Variants in ADAMTS12 observed in about 807,000 individuals in gnomAD.
The protein encoded by ADAMTS12 is A disintegrin and metalloproteinase with thrombospondin motifs 12.
ADAMTS12 carries 118 observed loss-of-function variants against 167.8 expected under a neutral mutation model. The observed-to-expected ratio is 0.70, with a 90% CI of 0.61 to 0.82. The LOEUF (loss-of-function observed/expected upper bound fraction) is 0.82, where lower values mean the gene tolerates loss of function less well. ADAMTS12 is among the 40% of genes least tolerant of loss of function. ADAMTS12 has a pLI of 0.00. For synonymous variants in ADAMTS12, 704 were observed against 716.9 expected (o/e 0.98, Z 0.29); for missense variants, 1,916 against 1,998.8 (o/e 0.96, Z 0.79).
intron 7 of ADAMTS12, among the ~76,000 whole-genome samples, chr5:33,653,002 A>G (rs1225671703): frequency 6.6e-6 from 1 of 152,098 alleles, no homozygotes; most frequent in African/African-American, 2.4e-5. Context: ...TCCCATATGT[A>G]TGCTTTTTAT....
intron 3 of ADAMTS12, among the ~76,000 whole-genome samples, chr5:33,706,177 A>G (rs1035422834): frequency 1.3e-5 from 2 of 152,090 alleles, no homozygotes; most frequent in Non-Finnish European, 2.9e-5. Flanking sequence ...GGCTTGGAAT[A>G]CTGTTCCCTT....
chr5:33,719,041 T>G (rs933514124), intron 3 of ADAMTS12, among the ~76,000 whole-genome samples: 5 of 152,162 alleles, frequency 3.3e-5, no homozygotes, highest in Admixed American at 6.5e-5. Context: ...GGATTTTACA[T>G]GCCTTGCGGT....
At chr5:33,541,784 G>A (rs898257502) in intron 22 of ADAMTS12, among the ~76,000 whole-genome samples, 2 of 152,184 alleles carry the variant, frequency 1.3e-5, no homozygotes, top group African/African-American at 4.8e-5. Context: ...ACAAGCAAAT[G>A]CTGAGAGATT....
At position 33,648,864 on chromosome 5, in the gene ADAMTS12, C is replaced by G; in HGVS notation, c.1437G>C (p.Gln479His). 5 of 1,614,042 alleles carry G rather than the reference C, an allele frequency of 3.1e-6. No individual in the cohort carries two copies. The South Asian group carries it at 5.5e-5, about 18-fold the overall frequency. The change falls in exon 9 of 24, where the codon CAG becomes CAC. Residue 479 changes from glutamine to histidine, a missense_variant. Transcript: ENST00000504830. ...GVIYDVHHQCQLQYGPNATFC... is the reference protein window; with the variant it reads ...GVIYDVHHQCHLQYGPNATFC... ...AGGTAGCATTGGGTCCATATTGTAG[C>G]TGGCACTGGTGGTGAACATCATAGA...
In ADAMTS12 at chr5:33,891,025, A is replaced by G. The variant is rs73074837; in HGVS notation, c.127+705T>C. On this transcript the variant is annotated intron_variant, in intron 1 of 23. Coordinates refer to ENST00000504830, the MANE Select transcript of ADAMTS12 (RefSeq NM_030955.4). ...GGTGCCTCTGACCCTTCCAAGTCCAATAAACTGCTGACTGTTAGGCTTAAA... is the reference window on the plus strand; with the variant it reads ...GGTGCCTCTGACCCTTCCAAGTCCAGTAAACTGCTGACTGTTAGGCTTAAA... 3.5e-3 allele frequency among the ~76,000 whole-genome samples: 526 copies of G among 152,304 alleles called. 4 individuals are homozygous for G. The highest frequency in any genetic ancestry group is 0.012 in the African/African-American group (503 of 41,570).
chr5:33,529,522 CCG>C (rs1743991249), intron 23 of ADAMTS12, among the ~76,000 whole-genome samples: 1 of 152,066 alleles, frequency 6.6e-6, no homozygotes, highest in African/African-American at 2.4e-5. Flanking sequence ...CATAAACAGG[CCG>C]CTGTCCTTTG....
chr5:33,745,056 G>A (rs1161928671), intron 3 of ADAMTS12, among the ~76,000 whole-genome samples: 1 of 152,178 alleles, frequency 6.6e-6, no homozygotes, highest in Non-Finnish European at 1.5e-5. Context: ...GGGGTCAGGT[G>A]ATCCTCCCAC....
intron 2 of ADAMTS12, among the ~76,000 whole-genome samples, chr5:33,780,169 G>C (rs1461499793): frequency 6.6e-6 from 1 of 152,116 alleles, no homozygotes; most frequent in Non-Finnish European, 1.5e-5. Context: ...TTAAGATAAA[G>C]ATAGAAAATT....
chr5:33,756,654 A>G (rs1260825338), intron 2 of ADAMTS12, among the ~76,000 whole-genome samples: 1 of 152,148 alleles, frequency 6.6e-6, no homozygotes, highest in Non-Finnish European at 1.5e-5. Flanking sequence ...AAGCCAATGA[A>G]GAGAGTGACC....
chr5:33,550,507 C>A (rs763494606), intron 20 of ADAMTS12, among the ~76,000 whole-genome samples: 37 of 152,152 alleles, frequency 2.4e-4, no homozygotes, highest in Non-Finnish European at 4.1e-4. Context: ...CAGGTTCTTC[C>A]CCAGGTTCTC....
Position 33,881,347 on chromosome 5 carries a change from T to C in ADAMTS12, c.261A>G (p.Ser87=). The change falls in exon 2 of 24, where the codon TCA becomes TCG. Residue 87 remains serine (S), a synonymous_variant. Coordinates refer to ENST00000504830, the MANE Select transcript of ADAMTS12 (RefSeq NM_030955.4). ...SSRRKRDLDG[S]EDWVYYRISH... ...AAATTCTGTAGTACACCCAGTCCTC[T>C]GAGCCATCCAAATCTCTCTTCCTCC... 1.2e-6 allele frequency: 2 copies of C among 1,614,216 alleles called. No homozygotes were observed. The highest frequency in any genetic ancestry group is 8.5e-7 in the Non-Finnish European group (1 of 1,180,036).
At chr5:33,540,601 A>G (rs189984842) in intron 22 of ADAMTS12, among the ~76,000 whole-genome samples, 4 of 152,340 alleles carry the variant, frequency 2.6e-5, no homozygotes, top group African/African-American at 7.2e-5. Context: ...CTCTGGGACG[A>G]AGCTTCCAGG....
At chr5:33,856,639 A>G (rs1017374183) in intron 2 of ADAMTS12, among the ~76,000 whole-genome samples, 5 of 152,140 alleles carry the variant, frequency 3.3e-5, no homozygotes, top group African/African-American at 1.2e-4. Context: ...AGTAGCAAAT[A>G]CGTATATGAA....
chr5:33,714,656 G>C (rs1472761408), intron 3 of ADAMTS12, among the ~76,000 whole-genome samples: 2 of 151,974 alleles, frequency 1.3e-5, no homozygotes, highest in African/African-American at 4.8e-5. Context: ...CAGCAACATG[G>C]ATGGAAATGG....
At chr5:33,626,628 G>A (rs915321607) in intron 13 of ADAMTS12, among the ~76,000 whole-genome samples, 2 of 150,110 alleles carry the variant, frequency 1.3e-5, no homozygotes, top group African/African-American at 4.9e-5. Context: ...TGACGGTGGT[G>A]GTGATTTGAT....
chr5:33,867,503 T>C (rs1426012342), intron 2 of ADAMTS12, among the ~76,000 whole-genome samples: 1 of 151,988 alleles, frequency 6.6e-6, no homozygotes, highest in Non-Finnish European at 1.5e-5. Context: ...AAACCACATA[T>C]TGGATGGTGT....
rs953785859 is a variant in ADAMTS12, at chr5:33,526,710, C to T, written c.*478G>A. On this transcript the variant is annotated 3_prime_UTR_variant, in exon 24 of 24. Coordinates refer to ENST00000504830, the MANE Select transcript of ADAMTS12 (RefSeq NM_030955.4). ...ATGAATTAAAGGAATGTTCCTAAAGCTCCGCTGTGACATTTTAAATAGCAG... is the reference window on the plus strand; with the variant it reads ...ATGAATTAAAGGAATGTTCCTAAAGTTCCGCTGTGACATTTTAAATAGCAG... 6.5e-6 allele frequency: 1 copy of T among 154,974 alleles called. No homozygotes were observed. The highest frequency in any genetic ancestry group is 1.4e-5 in the Non-Finnish European group (1 of 69,956). The allele number at this position is 154,974 out of a possible 1,614,324, so 9.6% of individuals were successfully genotyped here. A position where few individuals can be genotyped will look rare whatever the true frequency, so the allele number is the denominator to read the frequency against.
chr5:33,848,674 A>G (rs552738326), intron 2 of ADAMTS12, among the ~76,000 whole-genome samples: 7 of 152,314 alleles, frequency 4.6e-5, no homozygotes, highest in South Asian at 2.1e-4. Flanking sequence ...AGTTGCCCCA[A>G]TGACAACTTG....
Position 33,615,888 on chromosome 5 carries a change from C to T in ADAMTS12, c.2328G>A (p.Arg776=). The change falls in exon 15 of 24, where the codon AGG becomes AGA. Residue 776 remains arginine (R), a synonymous_variant. Transcript: ENST00000504830. ...CCATCAGCTTTTCCAGGTCTCCTTT[C>T]CTGTCATACTGAAAGACAGTCCCTG... ...KLAGTVFQYD[R]KGDLEKLMAT... is the part of the protein sequence containing the mutation. The T allele has an allele frequency of 6.2e-7, 1 of 1,614,148 alleles. No homozygotes were observed. Among genetic ancestry groups the T allele is most frequent in the Non-Finnish European group, 8.5e-7 (1 of 1,180,010 alleles).
Sources: allele counts gnomAD v4.1 joint callset (sites outside exome capture counted in the v4.1 genomes callset), GRCh38; gene constraint gnomAD v4.1.1; transcripts MANE v1.5; gene names NCBI Gene and HGNC (gene_info 2026-07-23, HGNC 2026-07-21).